The following DLEC1 variants were observed in gnomAD, a reference collection of about 807,000 sequenced individuals.
The protein encoded by DLEC1 is deleted in lung and esophageal cancer protein 1.
A neutral mutation model predicts 198.1 loss-of-function variants in DLEC1; 146 were observed. The observed-to-expected ratio is 0.74, with a 90% CI of 0.64 to 0.85. The LOEUF is 0.85. Ranked by LOEUF, DLEC1 falls within the 40% of genes least tolerant of loss-of-function variation. The pLI is 0.00. For missense variants in DLEC1, 2,233 were observed against 2,220.0 expected (o/e 1.01, Z -0.12); for synonymous variants, 897 against 866.8 (o/e 1.03, Z -0.61).
intron 6 of DLEC1, among the ~76,000 whole-genome samples, chr3:38,077,172 G>A (rs1049643018): frequency 6.6e-6 from 1 of 152,228 alleles, no homozygotes; most frequent in African/African-American, 2.4e-5. Context: ...GCAGTTTGGG[G>A]ATAGCACGAG....
chr3:38,047,457 G>GA (rs1159376622), intron 2 of DLEC1, among the ~76,000 whole-genome samples: 2 of 152,088 alleles, frequency 1.3e-5, no homozygotes, highest in Admixed American at 6.5e-5. Flanking sequence ...ATAGATGCAT[G>GA]AAAAAAAGCT....
At chr3:38,084,015 C>A in intron 6 of DLEC1, 143 bp from the exon 7 acceptor site, 1 of 665,438 alleles carries the variant, frequency 1.5e-6, no homozygotes, top group Non-Finnish European at 2.5e-6. Context: ...ACCCCTCAGC[C>A]AGCTTCGACA....
intron 3 of DLEC1, 134 bp from the exon 4 acceptor site, chr3:38,062,035 C>A: frequency 3.7e-6 from 3 of 820,354 alleles, no homozygotes; most frequent in African/African-American, 1.7e-5. Context: ...GCAATTATAG[C>A]TGGTGTGGTA....
Position 38,109,549 on chromosome 3 carries a change from A to G in DLEC1, c.3247A>G (p.Ser1083Gly), listed in dbSNP as rs760781337. 1.2e-6 allele frequency: 2 copies of G among 1,614,086 alleles called. No individual in the cohort carries two copies. The highest frequency in any genetic ancestry group is 1.7e-5 in the Admixed American group (1 of 60,020). ...AGTGGCCATTACCATCTCTAAGGAGAGCTCTGATTGCAGGTGAGCCCAGGG... is the reference window on the plus strand; with the variant it reads ...AGTGGCCATTACCATCTCTAAGGAGGGCTCTGATTGCAGGTGAGCCCAGGG... ...LQVAITISKE[S>G]SDCSTEQWPG... Residue 1083 changes from serine (S) to glycine (G), a missense_variant, in exon 22 of 37, where the codon AGC becomes GGC. By Grantham distance (56) the Ser-to-Gly change is moderately conservative (BLOSUM62 0). Transcript: ENST00000308059.
chr3:38,063,562 C>G (rs544585215), intron 5 of DLEC1, among the ~76,000 whole-genome samples: 24 of 151,976 alleles, frequency 1.6e-4, no homozygotes, highest in Non-Finnish European at 3.1e-4. Context: ...TATTAAAAAC[C>G]CACTTACTTA....
intron 1 of DLEC1, among the ~76,000 whole-genome samples, chr3:38,042,318 G>A (rs1289886559): frequency 2.0e-5 from 3 of 152,040 alleles, no homozygotes; most frequent in Non-Finnish European, 4.4e-5. Flanking sequence ...TAGCAAAAAA[G>A]CCATAGAACA....
chr3:38,084,380 GGTAGTAGTGGTA>G, intron 7 of DLEC1, 135 bp downstream of exon 7: 1 of 515,094 alleles, frequency 1.9e-6, no homozygotes, highest in Non-Finnish European at 3.0e-6. Flanking sequence ...TAGTGATGGT[GGTAGTAGTGGTA>G]GTAGTAGTAG....
At position 38,045,665 on chromosome 3, in the gene DLEC1, C is replaced by T. The variant is rs1156576506; in HGVS notation, c.534C>T (p.Asp178=). 6.2e-7 allele frequency: 1 copy of T among 1,613,406 alleles called. No individual in the cohort carries two copies. The highest frequency in any genetic ancestry group is 8.5e-7 in the Non-Finnish European group (1 of 1,179,738). The part of the protein sequence containing the change: ...ERVMSQAGVQ[D]LESLVRLPPV... The stretch of plus-strand genomic sequence containing the variant: ...TCATGAGCCAGGCTGGAGTACAGGA[C>T]CTCGAGAGCCTTGTCAGGTTGCCTC... The change falls in exon 2 of 37, where the codon GAC becomes GAT. Residue 178 remains aspartate, a synonymous_variant. Coordinates refer to ENST00000308059, the MANE Select transcript of DLEC1 (RefSeq NM_007335.4).
At chr3:38,118,721 G>A (rs764839190) in intron 33 of DLEC1, among the ~76,000 whole-genome samples, 10 of 152,006 alleles carry the variant, frequency 6.6e-5, no homozygotes, top group Non-Finnish European at 1.5e-4. Context: ...TGCTTCAGAG[G>A]CCCTCTTTCT....
chr3:38,081,689 G>A (rs1222179340), intron 6 of DLEC1, among the ~76,000 whole-genome samples: 8 of 72,494 alleles, frequency 1.1e-4, no homozygotes, highest in African/African-American at 3.7e-4. Context: ...TCTCCCTCCC[G>A]GACGGGGTGG....
Position 38,097,760 on chromosome 3 carries a change from T to C in DLEC1, c.2582T>C (p.Ile861Thr), listed in dbSNP as rs1699105621. 3 of 1,614,084 alleles carry C rather than the reference T, an allele frequency of 1.9e-6. No homozygotes were observed. The highest frequency in any genetic ancestry group is 1.6e-4 in the Middle Eastern group (1 of 6,062). ...EAVFKGPALIINVSALQFGLL... is the reference protein window; with the variant it reads ...EAVFKGPALITNVSALQFGLL... ...GTGTCTCAGGGGCCTGCCCTCATCA[T>C]CAACGTCTCAGCCCTTCAGTTTGGT... Residue 861 changes from isoleucine (I) to threonine (T), a missense_variant, in exon 18 of 37, where the codon ATC (isoleucine) becomes ACC (threonine). Transcript: ENST00000308059.
At chr3:38,109,311 T>G (rs1699735149) in intron 21 of DLEC1, 121 bp from the exon 22 acceptor site, 9 of 1,425,622 alleles carry the variant, frequency 6.3e-6, no homozygotes, top group Non-Finnish European at 8.5e-6. Context: ...CTGGAGGGAC[T>G]GGAGATGAGC....
Position 38,084,223 on chromosome 3 carries a change from G to A in DLEC1, c.1239G>A (p.Thr413=), listed in dbSNP as rs947153820. The A allele has an allele frequency of 1.6e-5, 25 of 1,612,252 alleles. No homozygotes were observed. The highest frequency in any genetic ancestry group is 1.8e-5 in the Non-Finnish European group (21 of 1,179,014). The part of the protein sequence containing the change: ...SRYLRVLPPS[T]PYFALGLGMF... ...ACCTGCGAGTCCTCCCGCCTTCCAC[G>A]CCATACTTCGCTCTGGGACTGGGTA... Residue 413 remains threonine, a synonymous_variant, in exon 7 of 37, where the codon ACG becomes ACA. Coordinates refer to ENST00000308059, the MANE Select transcript of DLEC1 (RefSeq NM_007335.4).
At chr3:38,074,130 C>G (rs1445942641) in intron 6 of DLEC1, among the ~76,000 whole-genome samples, 1 of 152,200 alleles carries the variant, frequency 6.6e-6, no homozygotes, top group Non-Finnish European at 1.5e-5. Context: ...GAAGCAGGAT[C>G]CTGATGGAGG....
At chr3:38,095,231 T>C (rs1698950756) in intron 13 of DLEC1, 160 bp downstream of exon 13, 11 of 780,066 alleles carry the variant, frequency 1.4e-5, no homozygotes, top group Non-Finnish European at 2.0e-5. Flanking sequence ...ACACACCTGG[T>C]GTGCAGGGTG....
At chr3:38,101,282 C>T (rs1699292379) in intron 19 of DLEC1, among the ~76,000 whole-genome samples, 1 of 152,092 alleles carries the variant, frequency 6.6e-6, no homozygotes, top group South Asian at 2.1e-4. Context: ...TGGTGAAACC[C>T]CGTCTTTACT....
In DLEC1 at chr3:38,095,887, G is replaced by C. The variant is rs1467336329; in HGVS notation, c.2113-1G>C. On this transcript the variant is annotated splice_acceptor_variant, in intron 13 of 36. Transcript: ENST00000308059. LOFTEE classifies it high-confidence loss of function. ...TTCAGGGCACTGTGTTTGCCTTGCA[G>C]CTGAGGGATTTTCACAGTGTGCTCC... 1 of 1,613,906 alleles carries C rather than the reference G, an allele frequency of 6.2e-7. No individual in the cohort carries two copies. The highest frequency in any genetic ancestry group is 1.3e-5 in the African/African-American group (1 of 75,050).
intron 34 of DLEC1, 66 bp downstream of exon 34, chr3:38,120,675 C>T: frequency 1.3e-6 from 2 of 1,595,450 alleles, no homozygotes; most frequent in Middle Eastern, 2.3e-4. Context: ...TCTGCTGGGG[C>T]CAGAGGAGGA....
intron 2 of DLEC1, among the ~76,000 whole-genome samples, chr3:38,058,087 C>A (rs888844476): frequency 6.6e-6 from 1 of 152,114 alleles, no homozygotes; most frequent in East Asian, 1.9e-4. Flanking sequence ...ACAGCATGAG[C>A]CACCGTGCCC....
Sources: allele counts gnomAD v4.1 joint callset (sites outside exome capture counted in the v4.1 genomes callset), GRCh38; gene constraint gnomAD v4.1.1; transcripts MANE v1.5; gene names NCBI Gene and HGNC (gene_info 2026-07-23, HGNC 2026-07-21).